The following SORCS2 variants were observed in gnomAD, a reference collection of about 807,000 sequenced individuals.
The protein encoded by SORCS2 is sortilin related VPS10 domain containing receptor 2.
Under a neutral mutation model 141.6 loss-of-function variants are expected in SORCS2, and 100 were observed. That is an observed-to-expected ratio of 0.71 (90% CI 0.60 to 0.83). The LOEUF is 0.83. SORCS2 is among the 40% of genes least tolerant of loss of function. SORCS2 has a pLI of 0.00. For missense variants in SORCS2, 1,646 were observed against 1,560.2 expected (o/e 1.05, Z -0.93); for synonymous variants, 789 against 676.9 (o/e 1.17, Z -2.57).
intron 1 of SORCS2, among the ~76,000 whole-genome samples, chr4:7,355,865 G>T (rs1721219920): frequency 6.6e-6 from 1 of 152,232 alleles, no homozygotes; most frequent in African/African-American, 2.4e-5. Flanking sequence ...GGAATCAAGG[G>T]CCATGGGGCT....
At chr4:7,215,165 G>A (rs1281285482) in intron 1 of SORCS2, among the ~76,000 whole-genome samples, 6 of 152,172 alleles carry the variant, frequency 3.9e-5, no homozygotes, top group African/African-American at 7.2e-5. Flanking sequence ...TGTGTGCGGC[G>A]CTTGCGGGCC....
intron 1 of SORCS2, among the ~76,000 whole-genome samples, chr4:7,290,888 CAT>C (rs1716555793): frequency 6.6e-6 from 1 of 152,048 alleles, no homozygotes; most frequent in African/African-American, 2.4e-5. Flanking sequence ...ATGGAGCAGA[CAT>C]AGTCCCTGGC....
chr4:7,487,563 A>G (rs1461881002), intron 2 of SORCS2, among the ~76,000 whole-genome samples: 1 of 152,138 alleles, frequency 6.6e-6, no homozygotes, highest in Non-Finnish European at 1.5e-5. Flanking sequence ...CACTAGAGAG[A>G]GCGCGCTGCA....
Position 7,314,765 on chromosome 4 carries a change from C to G in SORCS2, c.481-81523C>G, listed in dbSNP as rs373879429. ...TGACCACGGGTGTGAAGACCCAGGGCATAGCCGGGCTCCCAGGAGCCTGCC... is the reference window on the plus strand; with the variant it reads ...TGACCACGGGTGTGAAGACCCAGGGGATAGCCGGGCTCCCAGGAGCCTGCC... On this transcript the variant is annotated intron_variant, in intron 1 of 26. Transcript: ENST00000507866. Among the ~76,000 whole-genome samples the G allele has an allele frequency of 3.4e-5, 5 of 147,950 alleles. No individual in the cohort carries two copies. In the East Asian group the frequency reaches 8.0e-4, roughly 24 times the overall value.
intron 3 of SORCS2, among the ~76,000 whole-genome samples, chr4:7,621,464 T>C (rs2094818583): frequency 7.0e-6 from 1 of 142,556 alleles, no homozygotes; most frequent in South Asian, 2.1e-4. Context: ...TGTGAGTGTT[T>C]ATGTGTGTGT....
At chr4:7,311,020 C>A (rs1718148652) in intron 1 of SORCS2, among the ~76,000 whole-genome samples, 1 of 152,148 alleles carries the variant, frequency 6.6e-6, no homozygotes, top group Non-Finnish European at 1.5e-5. Context: ...AAACTTTAGC[C>A]ACAATAGGTA....
chr4:7,276,389 G>T (rs546840425), intron 1 of SORCS2, among the ~76,000 whole-genome samples: 1 of 152,250 alleles, frequency 6.6e-6, no homozygotes, highest in South Asian at 2.1e-4. Context: ...TACGTCCCCA[G>T]CTCCACCTTG....
At chr4:7,728,696 C>A (rs903685350) in intron 22 of SORCS2, among the ~76,000 whole-genome samples, 1 of 152,242 alleles carries the variant, frequency 6.6e-6, no homozygotes, top group Non-Finnish European at 1.5e-5. Flanking sequence ...GGAGGGACCA[C>A]AGGCACCCTC....
intron 1 of SORCS2, among the ~76,000 whole-genome samples, chr4:7,337,007 AGAGT>A (rs1297712662): frequency 6.6e-6 from 1 of 152,222 alleles, no homozygotes; most frequent in East Asian, 1.9e-4. Flanking sequence ...GACTTACGTC[AGAGT>A]GCTGGGAATC....
rs368106612 is a variant in SORCS2 at position 7,525,937 on chromosome 4, CCCT to C, written c.549-5588_549-5586del. The stretch of plus-strand genomic sequence containing the variant: ...CACCTGTCCCCTCCTCACACCTGTC[CCCT>C]CCTCAGTCACCTGTCCCCTTCTCAG... On this transcript the variant is annotated intron_variant, in intron 2 of 26. Coordinates refer to ENST00000507866, the MANE Select transcript of SORCS2 (RefSeq NM_020777.3). Among the ~76,000 whole-genome samples the C allele has an allele frequency of 4.0e-4, 38 of 94,730 alleles. 2 individuals are homozygous for C. The highest frequency in any genetic ancestry group is 1.3e-3 in the African/African-American group (30 of 22,938). The allele number at this position is 94,730 out of a possible 152,430, so 62.1% of individuals were successfully genotyped here. A position where few individuals can be genotyped will look rare whatever the true frequency, so the allele number is the denominator to read the frequency against.
At chr4:7,655,910 C>A (rs927799950) in intron 5 of SORCS2, among the ~76,000 whole-genome samples, 2 of 152,176 alleles carry the variant, frequency 1.3e-5, no homozygotes, top group Admixed American at 6.5e-5. Context: ...GGGAAATTGG[C>A]GATAATTCAA....
chr4:7,605,243 G>T (rs1322670214), intron 3 of SORCS2, among the ~76,000 whole-genome samples: 1 of 152,230 alleles, frequency 6.6e-6, no homozygotes, highest in Non-Finnish European at 1.5e-5. Flanking sequence ...GGTGAAGAAA[G>T]GCATGGTGGT....
intron 1 of SORCS2, among the ~76,000 whole-genome samples, chr4:7,360,301 G>C (rs1577444076): frequency 6.6e-6 from 1 of 152,272 alleles, no homozygotes; most frequent in East Asian, 1.9e-4. Flanking sequence ...GAGGTGAGGT[G>C]ACATGCCCCA....
chr4:7,622,076 G>A (rs1305744677), intron 3 of SORCS2, among the ~76,000 whole-genome samples: 4 of 151,324 alleles, frequency 2.6e-5, no homozygotes, highest in East Asian at 1.9e-4. Context: ...CCCAGAGCAC[G>A]GCCCCTGGGG....
rs115178475 is a variant in SORCS2, at chr4:7,741,747, G to A, written c.*1483G>A. 3.5e-3 allele frequency: 546 copies of A among 155,588 alleles called. 2 individuals are homozygous for A. The highest frequency in any genetic ancestry group is 0.012 in the African/African-American group (501 of 41,698). The allele number at this position is 155,588 out of a possible 1,614,324, so 9.6% of individuals were successfully genotyped here. A position where few individuals can be genotyped will look rare whatever the true frequency, so the allele number is the denominator to read the frequency against. On this transcript the variant is annotated 3_prime_UTR_variant, in exon 27 of 27. Coordinates refer to ENST00000507866, the MANE Select transcript of SORCS2 (RefSeq NM_020777.3). ...AGCCCTGGCTGGTGACATGCTGGCTGGGGGTGAATCCGAATGACAGTGCAG... is the reference window on the plus strand; with the variant it reads ...AGCCCTGGCTGGTGACATGCTGGCTAGGGGTGAATCCGAATGACAGTGCAG...
intron 2 of SORCS2, among the ~76,000 whole-genome samples, chr4:7,424,163 G>A (rs1419636562): frequency 5.3e-5 from 8 of 152,226 alleles, no homozygotes; most frequent in Non-Finnish European, 1.2e-4. Context: ...CGGGTGGTGG[G>A]ACAGAGCTGC....
At chr4:7,388,689 C>A (rs978687693) in intron 1 of SORCS2, among the ~76,000 whole-genome samples, 1 of 152,166 alleles carries the variant, frequency 6.6e-6, no homozygotes, top group South Asian at 2.1e-4. Flanking sequence ...AAACTCACCT[C>A]TTTAGCCATT....
At chr4:7,549,319 G>T (rs1713507874) in intron 3 of SORCS2, among the ~76,000 whole-genome samples, 1 of 151,946 alleles carries the variant, frequency 6.6e-6, no homozygotes, top group African/African-American at 2.4e-5. Flanking sequence ...AGCTTGAAAG[G>T]AACTCCCAGC....
At chr4:7,680,956 C>T (rs1723489468) in intron 9 of SORCS2, among the ~76,000 whole-genome samples, 1 of 152,206 alleles carries the variant, frequency 6.6e-6, no homozygotes, top group African/African-American at 2.4e-5. Flanking sequence ...TTCCCAGCTC[C>T]ACAGATGGAT....
Sources: allele counts gnomAD v4.1 joint callset (sites outside exome capture counted in the v4.1 genomes callset), GRCh38; gene constraint gnomAD v4.1.1; transcripts MANE v1.5; gene names NCBI Gene and HGNC (gene_info 2026-07-23, HGNC 2026-07-21).